The following LHFPL3 variants were observed in gnomAD, a reference collection of about 807,000 sequenced individuals.
LHFPL3 encodes LHFPL tetraspan subfamily member 3, also known as LHFPL tetraspan subfamily member 3 protein.
Under a neutral mutation model 19.3 loss-of-function variants are expected in LHFPL3, and 5 were observed. The observed-to-expected ratio is 0.26, with a 90% CI of 0.14 to 0.54. LHFPL3 has a LOEUF of 0.54. Ranked by LOEUF, LHFPL3 falls within the 20% of genes least tolerant of loss-of-function variation. The pLI is 0.94. For synonymous variants in LHFPL3, 133 were observed against 126.2 expected (o/e 1.05, Z -0.36); for missense variants, 249 against 307.4 (o/e 0.81, Z 1.42).
At chr7:104,807,114 T>C (rs1562799386) in intron 2 of LHFPL3, among the ~76,000 whole-genome samples, 3 of 150,990 alleles carry the variant, frequency 2.0e-5, no homozygotes, top group Non-Finnish European at 4.4e-5. Context: ...AAAGTCCTCA[T>C]GGAGGTAATC....
chr7:104,366,188 C>A (rs1043178431), intron 1 of LHFPL3, among the ~76,000 whole-genome samples: 1 of 152,098 alleles, frequency 6.6e-6, no homozygotes, highest in East Asian at 1.9e-4. Flanking sequence ...TTTGGACACT[C>A]AGAGAACACT....
chr7:104,843,264 C>A (rs1791248927), intron 2 of LHFPL3, among the ~76,000 whole-genome samples: 1 of 152,238 alleles, frequency 6.6e-6, no homozygotes, highest in African/African-American at 2.4e-5. Context: ...TAGGTTAAAA[C>A]CCTGCTCAAA....
chr7:104,473,499 A>G (rs1276043844), intron 1 of LHFPL3, among the ~76,000 whole-genome samples: 1 of 152,218 alleles, frequency 6.6e-6, no homozygotes, highest in Non-Finnish European at 1.5e-5. Flanking sequence ...ACTATTTGCC[A>G]TGAAAACAGG....
intron 2 of LHFPL3, among the ~76,000 whole-genome samples, chr7:104,859,211 G>A (rs1791567946): frequency 6.7e-6 from 1 of 149,106 alleles, no homozygotes; most frequent in African/African-American, 2.5e-5. Context: ...AGGTTGTAGT[G>A]AACCAAGATC....
At chr7:104,364,427 A>G (rs1790446354) in intron 1 of LHFPL3, among the ~76,000 whole-genome samples, 1 of 152,250 alleles carries the variant, frequency 6.6e-6, no homozygotes, top group Admixed American at 6.5e-5. Context: ...GGGACTATGA[A>G]AAGAAAAATG....
At chr7:104,620,926 G>A (rs1791433061) in intron 1 of LHFPL3, among the ~76,000 whole-genome samples, 1 of 152,202 alleles carries the variant, frequency 6.6e-6, no homozygotes, top group Non-Finnish European at 1.5e-5. Flanking sequence ...CCTTTCTCCT[G>A]AAGACAGTCT....
intron 1 of LHFPL3, among the ~76,000 whole-genome samples, chr7:104,532,678 G>A (rs1794324325): frequency 6.6e-6 from 1 of 152,060 alleles, no homozygotes; most frequent in Non-Finnish European, 1.5e-5. Context: ...AAGCCAAGAA[G>A]GGAAGTTTTT....
At chr7:104,421,982 C>A (rs1791741900) in intron 1 of LHFPL3, among the ~76,000 whole-genome samples, 1 of 152,134 alleles carries the variant, frequency 6.6e-6, no homozygotes, top group African/African-American at 2.4e-5. Context: ...GTGAAGTAGG[C>A]CATCTGCAAC....
chr7:104,513,127 T>C (rs1168833907), intron 1 of LHFPL3, among the ~76,000 whole-genome samples: 2 of 152,218 alleles, frequency 1.3e-5, no homozygotes. Context: ...AAGCTGACCT[T>C]CATCCACTTT....
chr7:104,786,208 G>A (rs1171037659), intron 2 of LHFPL3, among the ~76,000 whole-genome samples: 2 of 151,858 alleles, frequency 1.3e-5, no homozygotes, highest in Admixed American at 1.3e-4. Context: ...TTAGCCACTG[G>A]TTAAAGACTG....
intron 1 of LHFPL3, among the ~76,000 whole-genome samples, chr7:104,367,136 G>A (rs1790510017): frequency 6.6e-6 from 1 of 152,072 alleles, no homozygotes; most frequent in Non-Finnish European, 1.5e-5. Flanking sequence ...TGGAGTTTGT[G>A]GATTAATTAT....
At chr7:104,708,878 C>T (rs533325160) in intron 1 of LHFPL3, among the ~76,000 whole-genome samples, 74 of 152,114 alleles carry the variant, frequency 4.9e-4, no homozygotes, top group Non-Finnish European at 7.9e-4. Flanking sequence ...TCTCTCAAGT[C>T]CCTTGAGAGA....
intron 1 of LHFPL3, among the ~76,000 whole-genome samples, chr7:104,591,161 G>A (rs948578066): frequency 2.0e-5 from 3 of 152,134 alleles, no homozygotes; most frequent in Admixed American, 6.5e-5. Context: ...TCATTGTGAC[G>A]TTAGCTGGTT....
chr7:104,879,246 T>G (rs1180413856), intron 2 of LHFPL3, among the ~76,000 whole-genome samples: 1 of 152,090 alleles, frequency 6.6e-6, no homozygotes, highest in Admixed American at 6.6e-5. Flanking sequence ...CGAGACCCCA[T>G]CTCTACAAAA....
intron 2 of LHFPL3, among the ~76,000 whole-genome samples, chr7:104,880,768 T>C (rs1239398348): frequency 6.6e-6 from 1 of 152,154 alleles, no homozygotes; most frequent in Non-Finnish European, 1.5e-5. Context: ...AATGGAGGTA[T>C]ATAAAAAAAT....
chr7:104,897,173 G>GCA (rs1792380972), intron 2 of LHFPL3, among the ~76,000 whole-genome samples: 1 of 152,100 alleles, frequency 6.6e-6, no homozygotes, highest in Non-Finnish European at 1.5e-5. Flanking sequence ...CTATTTAGCA[G>GCA]TCTCTGGCTT....
intron 1 of LHFPL3, among the ~76,000 whole-genome samples, chr7:104,464,207 C>T (rs77476503): frequency 0.014 from 2,137 of 152,294 alleles, 59 homozygotes; most frequent in African/African-American, 0.048. Context: ...GTCTCACGCC[C>T]GGGTCACACA....
At chr7:104,869,348 A>C (rs1562820505) in intron 2 of LHFPL3, among the ~76,000 whole-genome samples, 1 of 152,248 alleles carries the variant, frequency 6.6e-6, no homozygotes, top group Admixed American at 6.5e-5. Context: ...TTATCTGACA[A>C]AGGGCTAATA....
In LHFPL3 at chr7:104,588,060, G is replaced by C. The variant is rs1790621018; in HGVS notation, c.446-148615G>C. Among the ~76,000 whole-genome samples the C allele has an allele frequency of 2.6e-5, 4 of 152,134 alleles. No individual in the cohort carries two copies. In the South Asian group the frequency reaches 8.3e-4, roughly 32 times the overall value. ...GATTGTAAAAATTTTCTCCCATTCT[G>C]TAGGTTGCCTGTTCACTCTGATGGC... On this transcript the variant is annotated intron_variant, in intron 1 of 2. Coordinates refer to ENST00000424859, the MANE Select transcript of LHFPL3 (RefSeq NM_199000.3).
Sources: gnomAD v4.1 joint callset for allele counts (sites outside exome capture counted in the v4.1 genomes callset) on GRCh38, gnomAD v4.1.1 for gene constraint, MANE v1.5 for transcripts, NCBI Gene and HGNC (gene_info 2026-07-23, HGNC 2026-07-21) for gene names.